Variants in TOX observed in about 807,000 individuals in gnomAD.
TOX encodes thymocyte selection associated high mobility group box, also known as thymocyte selection-associated high mobility group box protein TOX.
A neutral mutation model predicts 53.7 loss-of-function variants in TOX; 11 were observed. The observed-to-expected ratio is 0.20, with a 90% CI of 0.13 to 0.34. The LOEUF is 0.34. Ranked by LOEUF, TOX falls within the 10% of genes least tolerant of loss-of-function variation. The pLI is 1.00. For missense variants in TOX, 570 were observed against 664.6 expected (o/e 0.86, Z 1.56); for synonymous variants, 225 against 245.3 (o/e 0.92, Z 0.77).
chr8:58,993,646 A>G (rs1175921080), intron 1 of TOX, among the ~76,000 whole-genome samples: 5 of 152,258 alleles, frequency 3.3e-5, no homozygotes, highest in Non-Finnish European at 5.9e-5. Context: ...AGGATGAAAT[A>G]ACATTTCACT....
At chr8:59,094,881 G>A (rs1804688799) in intron 1 of TOX, among the ~76,000 whole-genome samples, 1 of 152,158 alleles carries the variant, frequency 6.6e-6, no homozygotes, top group African/African-American at 2.4e-5. Context: ...CTAAAGAGAG[G>A]ACACTCAAAT....
chr8:59,017,824 T>C (rs1814044081), intron 1 of TOX, among the ~76,000 whole-genome samples: 2 of 152,144 alleles, frequency 1.3e-5, no homozygotes, highest in Admixed American at 1.3e-4. Context: ...GAAGCTTTAG[T>C]TCAGATCTTT....
intron 3 of TOX, among the ~76,000 whole-genome samples, chr8:58,924,118 T>C (rs1350744000): frequency 6.6e-6 from 1 of 152,214 alleles, no homozygotes; most frequent in African/African-American, 2.4e-5. Flanking sequence ...ATTTCGGCTG[T>C]GTTCACAAAT....
At chr8:59,103,160 A>G (rs1035804489) in intron 1 of TOX, among the ~76,000 whole-genome samples, 3 of 152,176 alleles carry the variant, frequency 2.0e-5, no homozygotes, top group Admixed American at 1.3e-4. Context: ...ACCAGCAACT[A>G]TTGAACCCTA....
intron 1 of TOX, among the ~76,000 whole-genome samples, chr8:59,062,206 G>C (rs972541354): frequency 6.6e-6 from 1 of 152,176 alleles, no homozygotes; most frequent in African/African-American, 2.4e-5. Flanking sequence ...GGGTGGAGAA[G>C]GGGTAAGGAG....
chr8:58,958,109 C>T (rs191728407), intron 2 of TOX, among the ~76,000 whole-genome samples: 1 of 152,250 alleles, frequency 6.6e-6, no homozygotes, highest in African/African-American at 2.4e-5. Flanking sequence ...TTCTGGATCA[C>T]AAGCCTGCCC....
chr8:58,879,284 T>C (rs1811343324), intron 3 of TOX, among the ~76,000 whole-genome samples: 1 of 152,188 alleles, frequency 6.6e-6, no homozygotes, highest in South Asian at 2.1e-4. Flanking sequence ...TCTATGGCAA[T>C]CTATTTTAGA....
At position 58,833,703 on chromosome 8, in the gene TOX, T is replaced by G. The variant is rs141911170; in HGVS notation, c.924+4378A>C. 8.9e-4 allele frequency among the ~76,000 whole-genome samples: 135 copies of G among 152,350 alleles called. 2 individuals are homozygous for G. In the East Asian group the frequency reaches 0.023, roughly 26 times the overall value. ...TGCATTTTAAACAACTTAGTATGCT[T>G]CTGAAATGGGCTCTCCATTGTCTTA... On this transcript the variant is annotated intron_variant, in intron 5 of 8. Transcript: ENST00000361421.
chr8:59,002,845 C>A (rs774050714), intron 1 of TOX, among the ~76,000 whole-genome samples: 1 of 152,164 alleles, frequency 6.6e-6, no homozygotes, highest in Non-Finnish European at 1.5e-5. Flanking sequence ...GAATGCACTA[C>A]AGTTCAAGTC....
intron 3 of TOX, among the ~76,000 whole-genome samples, chr8:58,933,954 A>G (rs1455051933): frequency 6.6e-6 from 1 of 152,154 alleles, no homozygotes; most frequent in Non-Finnish European, 1.5e-5. Context: ...CCCATGACTG[A>G]CAAGCTTATC....
chr8:58,885,828 A>T (rs1329940902), intron 3 of TOX, among the ~76,000 whole-genome samples: 2 of 152,124 alleles, frequency 1.3e-5, no homozygotes, highest in African/African-American at 4.8e-5. Context: ...TTGGCTCCAT[A>T]ATAATCTGGC....
chr8:58,915,342 C>A lies in TOX; in HGVS notation c.411+23960G>T, dbSNP rs1397740308. Among the ~76,000 whole-genome samples, 66 of 88,700 alleles carry A rather than the reference C, an allele frequency of 7.4e-4. 2 individuals are homozygous for A. The highest frequency in any genetic ancestry group is 3.0e-3 in the African/African-American group (62 of 20,770). The allele number at this position is 88,700 out of a possible 152,430, so 58.2% of individuals were successfully genotyped here. The stretch of plus-strand genomic sequence containing the variant: ...AGAGAGCAGTGGTTCTCCCAGCACG[C>A]AGCTGGAGATCTGAGAACGGGCAGA... On this transcript the variant is annotated intron_variant, in intron 3 of 8. Coordinates refer to ENST00000361421, the MANE Select transcript of TOX (RefSeq NM_014729.3).
intron 2 of TOX, among the ~76,000 whole-genome samples, chr8:58,955,515 T>G (rs1812695460): frequency 6.6e-6 from 1 of 152,124 alleles, no homozygotes; most frequent in Non-Finnish European, 1.5e-5. Flanking sequence ...TCTAGTTCAA[T>G]CAAGTAACCT....
intron 1 of TOX, among the ~76,000 whole-genome samples, chr8:59,016,250 TA>T (rs552186078): frequency 4.6e-5 from 7 of 152,252 alleles, no homozygotes; most frequent in Admixed American, 4.6e-4. Context: ...TTAAAAATAA[TA>T]AAAACAGGTA....
intron 6 of TOX, among the ~76,000 whole-genome samples, chr8:58,818,501 A>C (rs1386037853): frequency 6.6e-6 from 1 of 152,138 alleles, no homozygotes; most frequent in East Asian, 1.9e-4. Flanking sequence ...AGATGTCCTG[A>C]TTCCTCCAAA....
intron 1 of TOX, among the ~76,000 whole-genome samples, chr8:58,966,486 T>A (rs887201819): frequency 1.3e-5 from 2 of 151,914 alleles, no homozygotes; most frequent in African/African-American, 4.8e-5. Flanking sequence ...ATCTGAATGG[T>A]ATGGAGAGGA....
intron 3 of TOX, among the ~76,000 whole-genome samples, chr8:58,890,152 A>G (rs530480724): frequency 6.6e-6 from 1 of 152,344 alleles, no homozygotes; most frequent in South Asian, 2.1e-4. Context: ...TTGACAATAC[A>G]TCAATTGTTC....
rs559656789 is a variant in TOX at position 58,989,473 on chromosome 8, G to A, written c.103-29465C>T. On this transcript the variant is annotated intron_variant, in intron 1 of 8. Coordinates refer to ENST00000361421, the MANE Select transcript of TOX (RefSeq NM_014729.3). ...GAGAGAAGGGTGCATTCCTCTGTCC[G>A]GTGATGTGCCCAGTATTTGGTGTAT... Among the ~76,000 whole-genome samples the A allele has an allele frequency of 4.6e-5, 7 of 152,262 alleles. No homozygotes were observed. The East Asian group carries it at 7.7e-4, about 17-fold the overall frequency.
At chr8:58,850,268 A>T (rs1810788556) in intron 4 of TOX, among the ~76,000 whole-genome samples, 1 of 152,192 alleles carries the variant, frequency 6.6e-6, no homozygotes, top group South Asian at 2.1e-4. Context: ...CCATTCATAG[A>T]TCCCTGGAAA....
Sources: gnomAD v4.1 joint callset for allele counts (sites outside exome capture counted in the v4.1 genomes callset) on GRCh38, gnomAD v4.1.1 for gene constraint, MANE v1.5 for transcripts, NCBI Gene and HGNC (gene_info 2026-07-23, HGNC 2026-07-21) for gene names.